Variants in TMEM108 observed in about 807,000 individuals in gnomAD.
TMEM108 encodes the protein cancer/testis antigen 124.
In TMEM108, 12 loss-of-function variants were observed where a neutral mutation model predicts 35.1. The ratio of observed to expected loss-of-function variants is 0.34; its 90% CI spans 0.22 to 0.55. The LOEUF (loss-of-function observed/expected upper bound fraction) is 0.55, where lower values mean the gene tolerates loss of function less well. Ranked by LOEUF, TMEM108 falls within the 20% of genes least tolerant of loss-of-function variation. The pLI, the probability that TMEM108 is intolerant of heterozygous loss-of-function variation, is 0.89. For missense variants in TMEM108, 680 were observed against 753.3 expected (o/e 0.90, Z 1.14); for synonymous variants, 287 against 308.6 (o/e 0.93, Z 0.73).
intron 2 of TMEM108, among the ~76,000 whole-genome samples, chr3:133,158,223 A>G (rs923292382): frequency 1.3e-5 from 2 of 152,154 alleles, no homozygotes; most frequent in African/African-American, 4.8e-5. Context: ...TAATCCCAGC[A>G]CTTTGGGAGG....
chr3:133,374,673 AG>A (rs2072782171), intron 3 of TMEM108, among the ~76,000 whole-genome samples: 1 of 152,078 alleles, frequency 6.6e-6, no homozygotes, highest in Non-Finnish European at 1.5e-5. Context: ...GAATTAAATC[AG>A]GGGCTTCCAG....
chr3:133,204,309 G>T (rs1452911913), intron 2 of TMEM108, among the ~76,000 whole-genome samples: 1 of 148,980 alleles, frequency 6.7e-6, no homozygotes, highest in Admixed American at 6.7e-5. Flanking sequence ...CTTCAGTTCT[G>T]CTCTGATCTT....
chr3:133,129,359 CAA>C (rs34821480), intron 2 of TMEM108, among the ~76,000 whole-genome samples: 6 of 123,082 alleles, frequency 4.9e-5, no homozygotes, highest in African/African-American at 1.3e-4. Context: ...CCCCCCCCCC[CAA>C]AAAAAAATAA....
intron 3 of TMEM108, among the ~76,000 whole-genome samples, chr3:133,342,092 G>C (rs1044032699): frequency 1.3e-5 from 2 of 151,790 alleles, no homozygotes; most frequent in Admixed American, 1.3e-4. Context: ...AAAGTGAAGA[G>C]ACAACCCACA....
chr3:133,236,228 C>A (rs1576402091), intron 3 of TMEM108, among the ~76,000 whole-genome samples: 1 of 152,136 alleles, frequency 6.6e-6, no homozygotes, highest in East Asian at 1.9e-4. Context: ...CTAGCTCATT[C>A]ATGCACCCTT....
chr3:133,351,550 G>A lies in TMEM108; in HGVS notation c.41-28202G>A, dbSNP rs139262878. ...TTGCTACATTGCTCTGAGCCCTTGG[G>A]AAGGCTGAGGGAGGATGAGATGATG... On this transcript the variant is annotated intron_variant, in intron 3 of 5. Coordinates refer to ENST00000321871, the MANE Select transcript of TMEM108 (RefSeq NM_023943.4). Among the ~76,000 whole-genome samples the A allele has an allele frequency of 2.6e-5, 4 of 152,228 alleles. No homozygotes were observed. The East Asian group carries it at 5.8e-4, about 22-fold the overall frequency.
chr3:133,144,931 A>T (rs1014046183), intron 2 of TMEM108, among the ~76,000 whole-genome samples: 1 of 151,552 alleles, frequency 6.6e-6, no homozygotes, highest in Non-Finnish European at 1.5e-5. Context: ...GTTCACTCTG[A>T]TAGTTTCTTT....
chr3:133,326,963 G>A lies in TMEM108; in HGVS notation c.41-52789G>A, dbSNP rs567185222. 2.0e-5 allele frequency among the ~76,000 whole-genome samples: 3 copies of A among 152,342 alleles called. No homozygotes were observed. In the South Asian group the frequency reaches 6.2e-4, roughly 32 times the overall value. On this transcript the variant is annotated intron_variant, in intron 3 of 5. Coordinates refer to ENST00000321871, the MANE Select transcript of TMEM108 (RefSeq NM_023943.4). ...GGTGCTCTCTTGATACTTGCAGAAT[G>A]AATGAGTTTAACAGATGCTTCTTTG...
chr3:133,296,089 A>G (rs898638333), intron 3 of TMEM108, among the ~76,000 whole-genome samples: 4 of 152,198 alleles, frequency 2.6e-5, no homozygotes, highest in African/African-American at 4.8e-5. Flanking sequence ...TAGCATGTCT[A>G]ATGTCTGAGT....
At chr3:133,372,168 T>C (rs1262722833) in intron 3 of TMEM108, among the ~76,000 whole-genome samples, 2 of 152,222 alleles carry the variant, frequency 1.3e-5, no homozygotes, top group Admixed American at 6.5e-5. Context: ...TTTTTTGTCA[T>C]GGTCATCACA....
chr3:133,265,273 A>G (rs7624858), intron 3 of TMEM108, among the ~76,000 whole-genome samples: 95,088 of 151,960 alleles, frequency 0.63, 29,759 homozygotes, highest in African/African-American at 0.66. Context: ...TGTCTCTAAC[A>G]TTTTGTATGT....
intron 3 of TMEM108, among the ~76,000 whole-genome samples, chr3:133,347,890 AAAG>A (rs1460770184): frequency 6.6e-6 from 1 of 152,144 alleles, no homozygotes; most frequent in Non-Finnish European, 1.5e-5. Context: ...AAGGAGCATA[AAAG>A]AAGATTTGAA....
chr3:133,166,379 A>G (rs1945037438), intron 2 of TMEM108, among the ~76,000 whole-genome samples: 3 of 152,230 alleles, frequency 2.0e-5, no homozygotes, highest in Non-Finnish European at 4.4e-5. Context: ...TTTTACTCAT[A>G]AATAAAGAGT....
chr3:133,105,622 T>A (rs1168501407), intron 2 of TMEM108, among the ~76,000 whole-genome samples: 1 of 94,884 alleles, frequency 1.1e-5, no homozygotes, highest in Non-Finnish European at 3.0e-5. Flanking sequence ...CTTGGGGGTA[T>A]GTGTGTGCGT....
intron 3 of TMEM108, among the ~76,000 whole-genome samples, chr3:133,251,695 C>A (rs572282870): frequency 6.6e-6 from 1 of 152,154 alleles, no homozygotes; most frequent in African/African-American, 2.4e-5. Flanking sequence ...AATTTTTGCT[C>A]CTATCCCACT....
Position 133,086,275 on chromosome 3 carries a change from C to A in TMEM108, c.-47+40255C>A, listed in dbSNP as rs572229069. On this transcript the variant is annotated intron_variant, in intron 2 of 5. Transcript: ENST00000321871. ...GTCTGGAGTCCACCTTAGTTCCCTT[C>A]TTACTTAATCTCTCGAGCATTTGAG... is the stretch of plus-strand genomic sequence containing the variant. 8.5e-5 allele frequency among the ~76,000 whole-genome samples: 13 copies of A among 152,210 alleles called. No homozygotes were observed. The South Asian group carries it at 2.5e-3, about 29-fold the overall frequency.
chr3:133,120,655 G>A (rs1438803172), intron 2 of TMEM108, among the ~76,000 whole-genome samples: 1 of 117,294 alleles, frequency 8.5e-6, no homozygotes, highest in Non-Finnish European at 1.9e-5. Context: ...AATATCTGCG[G>A]TACTATGGAT....
At chr3:133,223,121 C>A (rs533018000) in intron 2 of TMEM108, among the ~76,000 whole-genome samples, 8 of 152,226 alleles carry the variant, frequency 5.3e-5, no homozygotes, top group Admixed American at 5.2e-4. Context: ...TAATTTTATT[C>A]TTTGGTGGTG....
chr3:133,276,577 T>C (rs1330153789), intron 3 of TMEM108, among the ~76,000 whole-genome samples: 1 of 152,224 alleles, frequency 6.6e-6, no homozygotes, highest in African/African-American at 2.4e-5. Context: ...ACCAATTATG[T>C]AGCCCCTGAT....
Sources: allele counts gnomAD v4.1 joint callset (sites outside exome capture counted in the v4.1 genomes callset), GRCh38; gene constraint gnomAD v4.1.1; transcripts MANE v1.5; gene names NCBI Gene and HGNC (gene_info 2026-07-23, HGNC 2026-07-21).